DLG2: variants seen among roughly 807,000 people sequenced by gnomAD.
DLG2 encodes the protein disks large homolog 2.
In DLG2, 45 loss-of-function variants were observed where a neutral mutation model predicts 132.5. The ratio of observed to expected loss-of-function variants is 0.34; its 90% CI spans 0.27 to 0.44. DLG2 has a LOEUF of 0.44. DLG2 is among the 20% of genes least tolerant of loss of function. The probability of loss-of-function intolerance (pLI) is 1.00; values close to 1 mark genes in which losing one functional copy is unlikely to be tolerated. For missense variants in DLG2, 1,045 were observed against 1,196.9 expected (o/e 0.87, Z 1.87); for synonymous variants, 424 against 419.6 (o/e 1.01, Z -0.13).
chr11:85,346,293 T>C (rs2152868918), intron 3 of DLG2, among the ~76,000 whole-genome samples: 1 of 151,992 alleles, frequency 6.6e-6, no homozygotes, highest in Admixed American at 6.5e-5. Context: ...GTTCACGCCA[T>C]TCTCCTGCCT....
chr11:85,404,688 CA>C (rs2088545390), intron 3 of DLG2, among the ~76,000 whole-genome samples: 1 of 151,958 alleles, frequency 6.6e-6, no homozygotes, highest in African/African-American at 2.4e-5. Flanking sequence ...ACAGTATCAG[CA>C]CTGTCAAATG....
In DLG2 at chr11:85,427,201, T is replaced by C. The variant is rs1430273920; in HGVS notation, c.41-141836A>G. 3.9e-5 allele frequency among the ~76,000 whole-genome samples: 6 copies of C among 152,212 alleles called. No individual in the cohort carries two copies. In the East Asian group the frequency reaches 9.6e-4, roughly 24 times the overall value. ...AATGGAACCAAGTTGGAAAGCACTC[T>C]ACAGGATATTATCCAGGAGAACTTC... On this transcript the variant is annotated intron_variant, in intron 3 of 27. Coordinates refer to ENST00000376104, the MANE Select transcript of DLG2 (RefSeq NM_001142699.3).
chr11:84,806,235 GA>G (rs2075984137), intron 6 of DLG2, among the ~76,000 whole-genome samples: 1 of 151,984 alleles, frequency 6.6e-6, no homozygotes, highest in Non-Finnish European at 1.5e-5. Flanking sequence ...AATGAAAGGA[GA>G]AAGAGTGGAG....
chr11:84,663,805 C>G lies in DLG2; in HGVS notation c.358-129074G>C, dbSNP rs79886166. On this transcript the variant is annotated intron_variant, in intron 6 of 27. Transcript: ENST00000376104. The stretch of plus-strand genomic sequence containing the variant: ...TATATCCAAGTTCCCATATCTAATT[C>G]TTAATCATGGGCTGACACTGGACGA... Among the ~76,000 whole-genome samples, 714 of 152,260 alleles carry G rather than the reference C, an allele frequency of 4.7e-3. 3 individuals carry two copies. Among genetic ancestry groups the G allele is most frequent in the African/African-American group, 0.016 (675 of 41,550 alleles).
chr11:84,126,576 T>C (rs1208676171), intron 9 of DLG2, among the ~76,000 whole-genome samples: 1 of 151,916 alleles, frequency 6.6e-6, no homozygotes, highest in East Asian at 1.9e-4. Flanking sequence ...ACATGCCAAC[T>C]AAAAAACAGA....
intron 5 of DLG2, among the ~76,000 whole-genome samples, chr11:85,126,732 C>A (rs1439422272): frequency 6.6e-6 from 1 of 151,916 alleles, no homozygotes; most frequent in Admixed American, 6.6e-5. Flanking sequence ...AAGAAGTGCA[C>A]CACAAAAAAA....
chr11:84,867,870 G>C (rs765472600), intron 6 of DLG2, among the ~76,000 whole-genome samples: 35 of 152,102 alleles, frequency 2.3e-4, no homozygotes, highest in South Asian at 1.0e-3. Flanking sequence ...GTCAGGAGAT[G>C]GAGACCATCC....
rs532661229 is a variant in DLG2, at chr11:84,699,137, T to A, written c.358-164406A>T. 3.3e-5 allele frequency among the ~76,000 whole-genome samples: 5 copies of A among 151,618 alleles called. No homozygotes were observed. In the South Asian group the frequency reaches 1.0e-3, roughly 32 times the overall value. ...TCAGACCTCAGCTACACATCTATATTCTGGATTTCTTCTTGGAAAAGTGCA... is the reference window on the plus strand; with the variant it reads ...TCAGACCTCAGCTACACATCTATATACTGGATTTCTTCTTGGAAAAGTGCA... On this transcript the variant is annotated intron_variant, in intron 6 of 27. Coordinates refer to ENST00000376104, the MANE Select transcript of DLG2 (RefSeq NM_001142699.3).
Position 83,718,730 on chromosome 11 carries a change from G to A in DLG2, c.1825+67960C>T, listed in dbSNP as rs557119399. Among the ~76,000 whole-genome samples the A allele has an allele frequency of 7.2e-5, 11 of 152,100 alleles. No individual in the cohort carries two copies. In the South Asian group the frequency reaches 1.9e-3, roughly 26 times the overall value. ...AGTTGGGGAGCCCAGTTAGGCAGCT[G>A]TTATAAAAACTTAAGTCAAGATGAG... is the stretch of plus-strand genomic sequence containing the variant. On this transcript the variant is annotated intron_variant, in intron 18 of 27. Transcript: ENST00000376104.
At chr11:85,034,746 C>T (rs1369450651) in intron 6 of DLG2, among the ~76,000 whole-genome samples, 1 of 152,126 alleles carries the variant, frequency 6.6e-6, no homozygotes, top group Non-Finnish European at 1.5e-5. Context: ...CAGGGCGATC[C>T]TGTGGTAACC....
rs566393590 is a variant in DLG2 at position 83,758,338 on chromosome 11, C to T, written c.1825+28352G>A. On this transcript the variant is annotated intron_variant, in intron 18 of 27. Coordinates refer to ENST00000376104, the MANE Select transcript of DLG2 (RefSeq NM_001142699.3). ...CCCCACAGAACTATGCACCCCTCTCCACCCACTCCCCATAACCCAGTCCAT... is the reference window on the plus strand; with the variant it reads ...CCCCACAGAACTATGCACCCCTCTCTACCCACTCCCCATAACCCAGTCCAT... 7.9e-5 allele frequency among the ~76,000 whole-genome samples: 12 copies of T among 152,214 alleles called. No homozygotes were observed. In the South Asian group the frequency reaches 2.5e-3, roughly 32 times the overall value.
At chr11:85,287,882 G>GA (rs1248769517) in intron 3 of DLG2, among the ~76,000 whole-genome samples, 10 of 151,934 alleles carry the variant, frequency 6.6e-5, no homozygotes, top group Non-Finnish European at 1.5e-4. Flanking sequence ...GTTGCAATAT[G>GA]AAAAAAATTT....
At chr11:84,088,103 T>C (rs2097021995) in intron 10 of DLG2, among the ~76,000 whole-genome samples, 1 of 152,194 alleles carries the variant, frequency 6.6e-6, no homozygotes, top group African/African-American at 2.4e-5. Flanking sequence ...CTTGATAGTG[T>C]CCTTTGAAAG....
intron 17 of DLG2, among the ~76,000 whole-genome samples, chr11:83,795,748 T>G (rs2042677588): frequency 6.6e-6 from 1 of 152,210 alleles, no homozygotes; most frequent in Non-Finnish European, 1.5e-5. Flanking sequence ...AATATTTGTC[T>G]ATTTCTTAGT....
At chr11:84,732,601 T>C (rs752859954) in intron 6 of DLG2, among the ~76,000 whole-genome samples, 1 of 151,710 alleles carries the variant, frequency 6.6e-6, no homozygotes, top group Non-Finnish European at 1.5e-5. Context: ...ACCTTTAAAA[T>C]TGTTAGTTTC....
At chr11:85,407,609 C>T (rs569966021) in intron 3 of DLG2, among the ~76,000 whole-genome samples, 2 of 151,676 alleles carry the variant, frequency 1.3e-5, no homozygotes, top group Non-Finnish European at 2.9e-5. Context: ...AATCATATCA[C>T]GGGAGTCACG....
At chr11:85,053,796 C>CAAAAAAAA (rs34604489) in intron 6 of DLG2, among the ~76,000 whole-genome samples, 1 of 45,804 alleles carries the variant, frequency 2.2e-5, no homozygotes, top group Non-Finnish European at 4.0e-5. Flanking sequence ...GACTCTGTCT[C>CAAAAAAAA]AAAAAAAAAA....
intron 6 of DLG2, among the ~76,000 whole-genome samples, chr11:84,819,584 G>A (rs556176584): frequency 4.0e-5 from 6 of 151,606 alleles, no homozygotes; most frequent in Non-Finnish European, 4.4e-5. Flanking sequence ...TCTACAATCC[G>A]AGCCTGCTGT....
chr11:85,264,511 C>CA (rs1382900268), intron 4 of DLG2, among the ~76,000 whole-genome samples: 1 of 152,086 alleles, frequency 6.6e-6, no homozygotes, highest in Non-Finnish European at 1.5e-5. Flanking sequence ...GGTTGCCAGC[C>CA]ATCATTAGAT....
Sources: allele counts gnomAD v4.1 joint callset (sites outside exome capture counted in the v4.1 genomes callset), GRCh38; gene constraint gnomAD v4.1.1; transcripts MANE v1.5; gene names NCBI Gene and HGNC (gene_info 2026-07-23, HGNC 2026-07-21).